Variants in MLLT3 observed in about 807,000 individuals in gnomAD.
The protein encoded by MLLT3 is protein AF-9.
MLLT3 carries 4 observed loss-of-function variants against 53.2 expected under a neutral mutation model. The observed-to-expected ratio is 0.08, with a 90% CI of 0.04 to 0.17. The LOEUF (loss-of-function observed/expected upper bound fraction) is 0.17. Among genes scored for constraint, MLLT3 ranks in the 10% least tolerant of loss-of-function variants. The pLI is 1.00. For missense variants in MLLT3, 569 were observed against 684.0 expected (o/e 0.83, Z 1.87); for synonymous variants, 283 against 230.6 (o/e 1.23, Z -2.06).
intron 2 of MLLT3, among the ~76,000 whole-genome samples, chr9:20,573,379 C>T (rs1010897112): frequency 7.9e-5 from 12 of 151,996 alleles, no homozygotes; most frequent in Admixed American, 3.9e-4. Context: ...TGGGTTTCAC[C>T]ATGTTGCCCA....
At position 20,566,020 on chromosome 9, in the gene MLLT3, A is replaced by T. The variant is rs1266487222; in HGVS notation, c.193+54634T>A. 6.3e-5 allele frequency among the ~76,000 whole-genome samples: 8 copies of T among 127,958 alleles called. No individual in the cohort carries two copies. In the East Asian group the frequency reaches 8.1e-4, roughly 13 times the overall value. 83.9% of individuals were successfully genotyped at this position (127,958 alleles called of 152,430 possible). ...TTTATTTATATATATATTTTTATAT[A>T]TATTTATTTATATTTATTTATTTAT... is the stretch of plus-strand genomic sequence containing the variant. On this transcript the variant is annotated intron_variant, in intron 2 of 10. Transcript: ENST00000380338.
intron 2 of MLLT3, among the ~76,000 whole-genome samples, chr9:20,605,298 T>C (rs1820533775): frequency 6.6e-6 from 1 of 152,122 alleles, no homozygotes; most frequent in Admixed American, 6.6e-5. Context: ...TATCAATGTA[T>C]CTGAGATACC....
chr9:20,497,068 T>C lies in MLLT3; in HGVS notation c.194-40282A>G, dbSNP rs565267407. Among the ~76,000 whole-genome samples the C allele has an allele frequency of 2.1e-3, 327 of 152,360 alleles. 2 individuals carry two copies. Among genetic ancestry groups the C allele is most frequent in the African/African-American group, 7.7e-3 (321 of 41,598 alleles). On this transcript the variant is annotated intron_variant, in intron 2 of 10. Coordinates refer to ENST00000380338, the MANE Select transcript of MLLT3 (RefSeq NM_004529.4). ...TCTTCTTCCGTGATCAAACCACAAC[T>C]GATTCTCAAAACGGTTTACTTGTTG...
At chr9:20,544,125 A>C (rs1420972500) in intron 2 of MLLT3, among the ~76,000 whole-genome samples, 1 of 152,238 alleles carries the variant, frequency 6.6e-6, no homozygotes, top group Non-Finnish European at 1.5e-5. Context: ...CTCTCCAACA[A>C]ATGGTGCTGA....
At chr9:20,415,388 C>G in intron 4 of MLLT3, 3 of 735,946 alleles carry the variant, frequency 4.1e-6, no homozygotes, top group Non-Finnish European at 5.0e-6. Flanking sequence ...AATATATAAC[C>G]TATATATAAT....
chr9:20,477,503 C>T (rs1377245196), intron 2 of MLLT3, among the ~76,000 whole-genome samples: 1 of 152,106 alleles, frequency 6.6e-6, no homozygotes, highest in African/African-American at 2.4e-5. Context: ...AAAACTGAAG[C>T]TGACAACCTA....
intron 2 of MLLT3, among the ~76,000 whole-genome samples, chr9:20,611,160 A>G (rs1042624721): frequency 3.9e-5 from 6 of 152,138 alleles, no homozygotes; most frequent in African/African-American, 1.2e-4. Flanking sequence ...TTAAACACCC[A>G]AAGTGTTTTA....
chr9:20,468,238 A>G (rs945208775), intron 2 of MLLT3, among the ~76,000 whole-genome samples: 1 of 152,194 alleles, frequency 6.6e-6, no homozygotes, highest in African/African-American at 2.4e-5. Flanking sequence ...AATATTAGAG[A>G]ATTTTTTGGA....
intron 4 of MLLT3, among the ~76,000 whole-genome samples, chr9:20,446,732 A>C (rs2118844388): frequency 6.6e-6 from 1 of 152,356 alleles, no homozygotes; most frequent in Admixed American, 6.5e-5. Context: ...TGGCATCAAA[A>C]CTATACTCCT....
intron 2 of MLLT3, among the ~76,000 whole-genome samples, chr9:20,542,337 G>A (rs530705413): frequency 7.5e-5 from 11 of 146,750 alleles, no homozygotes; most frequent in South Asian, 2.1e-4. Context: ...TGAAAGCTCC[G>A]CTTCCCAGGT....
At chr9:20,377,108 T>A (rs1821786863) in intron 5 of MLLT3, among the ~76,000 whole-genome samples, 1 of 152,154 alleles carries the variant, frequency 6.6e-6, no homozygotes, top group South Asian at 2.1e-4. Flanking sequence ...CTCAGAGCTG[T>A]AATTCCTCAC....
chr9:20,448,058 T>G lies in MLLT3; in HGVS notation c.420+65A>C. The G allele has an allele frequency of 1.3e-6, 2 of 1,527,516 alleles. No individual in the cohort carries two copies. The highest frequency in any genetic ancestry group is 1.8e-6 in the Non-Finnish European group (2 of 1,132,492). The allele number at this position is 1,527,516 out of a possible 1,614,324, so 94.6% of individuals were successfully genotyped here. On this transcript the variant is annotated intron_variant, in intron 4 of 10. Coordinates refer to ENST00000380338, the MANE Select transcript of MLLT3 (RefSeq NM_004529.4). The surrounding 1 kb of genome is among the most constrained non-coding windows in gnomAD (Gnocchi z 4.0). ...TTTAACACATGAGGAACTAGTTTGT[T>G]TGTTTTTTTTTTTGTTGTTGTTGTT... is the stretch of plus-strand genomic sequence containing the variant.
At position 20,490,404 on chromosome 9, in the gene MLLT3, T is replaced by C. The variant is rs1026834582; in HGVS notation, c.194-33618A>G. ...AGCATGAGAAGAATTTGTCACGCCA[T>C]TGCTGGCTTTGAAATGTTAAGGGCC... On this transcript the variant is annotated intron_variant, in intron 2 of 10. Coordinates refer to ENST00000380338, the MANE Select transcript of MLLT3 (RefSeq NM_004529.4). Among the ~76,000 whole-genome samples, 4 of 152,238 alleles carry C rather than the reference T, an allele frequency of 2.6e-5. No individual in the cohort carries two copies. In the East Asian group the frequency reaches 5.8e-4, roughly 22 times the overall value.
chr9:20,359,228 T>C (rs1821257311), intron 8 of MLLT3, among the ~76,000 whole-genome samples: 2 of 149,200 alleles, frequency 1.3e-5, no homozygotes, highest in Admixed American at 1.3e-4. Context: ...GAAGCACAAA[T>C]TTACAAAAGG....
intron 7 of MLLT3, chr9:20,362,990 G>A (rs1821363719): frequency 6.6e-6 from 1 of 152,398 alleles, no homozygotes; most frequent in African/African-American, 2.4e-5. Context: ...GCTACTTAAG[G>A]CACTTAATTG....
At chr9:20,429,297 G>C (rs1050461430) in intron 4 of MLLT3, among the ~76,000 whole-genome samples, 1 of 152,152 alleles carries the variant, frequency 6.6e-6, no homozygotes, top group Non-Finnish European at 1.5e-5. Flanking sequence ...GAGCCCAGGA[G>C]TTGGAGGCTG....
At chr9:20,557,057 A>G (rs1384684242) in intron 2 of MLLT3, among the ~76,000 whole-genome samples, 1 of 152,176 alleles carries the variant, frequency 6.6e-6, no homozygotes, top group Non-Finnish European at 1.5e-5. Context: ...TTAACTAACA[A>G]CAGCTCCTCG....
chr9:20,434,704 G>C (rs184543840), intron 4 of MLLT3, among the ~76,000 whole-genome samples: 3 of 152,134 alleles, frequency 2.0e-5, no homozygotes, highest in African/African-American at 7.2e-5. Flanking sequence ...AAAAGGAAAG[G>C]CAGTGGTTTT....
intron 5 of MLLT3, among the ~76,000 whole-genome samples, chr9:20,384,607 G>C (rs1273134238): frequency 6.6e-6 from 1 of 152,028 alleles, no homozygotes. Flanking sequence ...ATCATCAATG[G>C]GATGCAGGTG....
Sources: gnomAD v4.1 joint callset for allele counts (sites outside exome capture counted in the v4.1 genomes callset) on GRCh38, gnomAD v4.1.1 for gene constraint, Gnocchi (gnomAD v3.1) non-coding constraint, MANE v1.5 for transcripts, NCBI Gene and HGNC (gene_info 2026-07-23, HGNC 2026-07-21) for gene names.